Variants in ESYT2 observed in about 807,000 individuals in gnomAD.
ESYT2 encodes extended synaptotagmin-2.
ESYT2 carries 54 observed loss-of-function variants against 107.2 expected under a neutral mutation model. The ratio of observed to expected loss-of-function variants is 0.50; its 90% CI spans 0.40 to 0.63. The LOEUF (loss-of-function observed/expected upper bound fraction) is 0.63, where lower values mean the gene tolerates loss of function less well. Ranked by LOEUF, ESYT2 falls within the 30% of genes least tolerant of loss-of-function variation. The pLI, the probability that ESYT2 is intolerant of heterozygous loss-of-function variation, is 0.00. For synonymous variants in ESYT2, 491 were observed against 434.1 expected, an observed-to-expected ratio of 1.13 and a Z score of -1.63; for missense variants, 1,020 against 1,094.5, an observed-to-expected ratio of 0.93 and a Z score of 0.96.
At chr7:158,826,819 CAAAA>C (rs10685364) in intron 1 of ESYT2, among the ~76,000 whole-genome samples, 87 of 117,038 alleles carry the variant, frequency 7.4e-4, no homozygotes, top group African/African-American at 2.8e-3. Flanking sequence ...GATTCCGTCT[CAAAA>C]AAAAAAAAAA....
chr7:158,779,239 A>G (rs1424341502), intron 6 of ESYT2, among the ~76,000 whole-genome samples: 1 of 152,208 alleles, frequency 6.6e-6, no homozygotes, highest in Non-Finnish European at 1.5e-5. Flanking sequence ...TTATTGGAGT[A>G]AGCTCAAAAA....
chr7:158,791,086 C>T (rs924395560), intron 4 of ESYT2, among the ~76,000 whole-genome samples: 1 of 152,192 alleles, frequency 6.6e-6, no homozygotes, highest in African/African-American at 2.4e-5. Flanking sequence ...ACTCTCCCCC[C>T]ATTAAACACT....
intron 1 of ESYT2, among the ~76,000 whole-genome samples, chr7:158,810,676 T>TG (rs1341151184): frequency 6.8e-6 from 1 of 147,988 alleles, no homozygotes; most frequent in Non-Finnish European, 1.5e-5. Context: ...AGCGAGACCC[T>TG]GTCTTGGGGG....
rs745464310 is a variant in ESYT2 at position 158,748,262 on chromosome 7, C to G, written c.1576G>C (p.Glu526Gln). 9.3e-6 allele frequency: 15 copies of G among 1,613,934 alleles called. No individual in the cohort carries two copies. Among genetic ancestry groups the G allele is most frequent in the Middle Eastern group, 3.3e-4 (2 of 6,084 alleles). The change falls in exon 16 of 23, where the codon GAA becomes CAA. Residue 526 changes from glutamate (E) to glutamine (Q), a missense_variant. Physicochemically the swap from Glu to Gln is conservative, Grantham distance 29 (BLOSUM62 2). Coordinates refer to ENST00000275418, the MANE Select transcript of ESYT2 (RefSeq NM_001367773.1). The part of the protein sequence containing the change: ...QESKIRYKTN[E>Q]PVWEENFTFF... ...GTGAAGTTTTCCTCCCACACAGGTTCATTGGTTTTGTATCGAATCTAGAAG... is the reference window on the plus strand; with the variant it reads ...GTGAAGTTTTCCTCCCACACAGGTTGATTGGTTTTGTATCGAATCTAGAAG...
At chr7:158,798,796 A>G (rs1304812650) in intron 2 of ESYT2, among the ~76,000 whole-genome samples, 1 of 152,198 alleles carries the variant, frequency 6.6e-6, no homozygotes, top group Non-Finnish European at 1.5e-5. Context: ...ACACATGGCC[A>G]GAGACACAAA....
chr7:158,807,145 G>A (rs1839852913), intron 1 of ESYT2, among the ~76,000 whole-genome samples: 4 of 151,490 alleles, frequency 2.6e-5, no homozygotes, highest in Admixed American at 2.6e-4. Flanking sequence ...CACCTACTCA[G>A]GAGGCTGAGG....
chr7:158,817,119 C>G (rs1173992312), intron 1 of ESYT2, among the ~76,000 whole-genome samples: 1 of 152,190 alleles, frequency 6.6e-6, no homozygotes, highest in Admixed American at 6.5e-5. Context: ...CTGAACAGCT[C>G]CTCCTCTCTG....
Position 158,828,948 on chromosome 7 carries a change from G to A in ESYT2, c.330+141C>T, listed in dbSNP as rs1026423456. Reference sequence around the variant, plus strand: ...CCTGCCTGGACCGGGGTGGGTGGGGGACTACGAAGGCGGGAGCCGGGGCAG... The same window carrying A: ...CCTGCCTGGACCGGGGTGGGTGGGGAACTACGAAGGCGGGAGCCGGGGCAG... On this transcript the variant is annotated intron_variant, in intron 1 of 22. Coordinates refer to ENST00000275418, the MANE Select transcript of ESYT2 (RefSeq NM_001367773.1). 4.5e-6 allele frequency: 6 copies of A among 1,322,480 alleles called. No individual in the cohort carries two copies. The South Asian group carries it at 5.0e-5, about 11-fold the overall frequency. The allele number at this position is 1,322,480 out of a possible 1,614,324, so 81.9% of individuals were successfully genotyped here.
chr7:158,810,835 T>C (rs1839974546), intron 1 of ESYT2, among the ~76,000 whole-genome samples: 2 of 151,932 alleles, frequency 1.3e-5, no homozygotes, highest in Non-Finnish European at 2.9e-5. Context: ...GTCTGAGGAT[T>C]GAGGGCTGAT....
At chr7:158,826,512 T>A (rs1840450021) in intron 1 of ESYT2, among the ~76,000 whole-genome samples, 1 of 152,028 alleles carries the variant, frequency 6.6e-6, no homozygotes, top group South Asian at 2.1e-4. Flanking sequence ...AAATTACTTT[T>A]GTATTTTTTT....
rs1207449135 is a variant in ESYT2 at position 158,752,859 on chromosome 7, A to T, written c.1420-16T>A. 1.4e-5 allele frequency: 18 copies of T among 1,297,796 alleles called. No individual in the cohort carries two copies. Among genetic ancestry groups the T allele is most frequent in the Non-Finnish European group, 1.7e-5 (17 of 983,758 alleles). 80.4% of individuals were successfully genotyped at this position (1,297,796 alleles called of 1,614,324 possible). A position where few individuals can be genotyped will look rare whatever the true frequency, so the allele number is the denominator to read the frequency against. ...ATGGGTTACTCTTTCAAGTCAGAAG[A>T]AAACGAATATGCCAAGGGTTAATAA... On this transcript the variant is annotated splice_polypyrimidine_tract_variant and intron_variant, in intron 13 of 22. Transcript: ENST00000275418.
At chr7:158,745,002 C>G (rs1225852540) in intron 16 of ESYT2, among the ~76,000 whole-genome samples, 3 of 152,126 alleles carry the variant, frequency 2.0e-5, no homozygotes, top group African/African-American at 7.2e-5. Context: ...GAAGGAAAAA[C>G]CAGCTAGACA....
chr7:158,773,453 A>G (rs1208023381), intron 6 of ESYT2, 57 bp from the exon 7 acceptor site: 22 of 1,542,414 alleles, frequency 1.4e-5, no homozygotes, highest in Non-Finnish European at 1.8e-5. Context: ...TTATTGAATC[A>G]GGTGCACACA....
At chr7:158,767,129 A>C (rs1358284579) in intron 8 of ESYT2, among the ~76,000 whole-genome samples, 1 of 152,236 alleles carries the variant, frequency 6.6e-6, no homozygotes, top group Non-Finnish European at 1.5e-5. Flanking sequence ...AGCTGCGACA[A>C]AAATCTAGTT....
At chr7:158,819,498 T>G (rs182486120) in intron 1 of ESYT2, among the ~76,000 whole-genome samples, 6 of 152,336 alleles carry the variant, frequency 3.9e-5, no homozygotes, top group Admixed American at 3.9e-4. Context: ...ATAGTCAAAG[T>G]CATATTTCTG....
intron 1 of ESYT2, among the ~76,000 whole-genome samples, chr7:158,807,816 T>C (rs1839876338): frequency 6.6e-6 from 1 of 152,210 alleles, no homozygotes; most frequent in African/African-American, 2.4e-5. Flanking sequence ...CATAACATTT[T>C]CACCTCCTAC....
At chr7:158,821,368 T>C (rs1702336591) in intron 1 of ESYT2, among the ~76,000 whole-genome samples, 1 of 152,220 alleles carries the variant, frequency 6.6e-6, no homozygotes, top group Non-Finnish European at 1.5e-5. Context: ...TCCCGGCTAT[T>C]ACAGTAGTAC....
chr7:158,829,401 G>C lies in ESYT2; in HGVS notation c.18C>G (p.Gly6=). 8.3e-7 allele frequency: 1 copy of C among 1,202,880 alleles called. No homozygotes were observed. The highest frequency in any genetic ancestry group is 1.0e-6 in the Non-Finnish European group (1 of 975,100). 74.5% of individuals were successfully genotyped at this position (1,202,880 alleles called of 1,614,324 possible). ...CGCCGGCGCCCGCCTCCGGGCCCTC[G>C]CCCCGGGCGCCGCTCATCGCCCCGC... MSGAR[G]EGPEAGAGGA... The change falls in exon 1 of 23, where the codon GGC becomes GGG. Residue 6 remains glycine (G), a synonymous_variant. Transcript: ENST00000275418.
chr7:158,743,303 G>A lies in ESYT2; in HGVS notation c.1794+226C>T, dbSNP rs1837276609. On this transcript the variant is annotated intron_variant, in intron 17 of 22. Transcript: ENST00000275418. ...AGCCGTGGGCCTGCTCGGGCAACCT[G>A]GAAACGTGGCCTGTTCTATGGCTGA... Among the ~76,000 whole-genome samples the A allele has an allele frequency of 2.0e-5, 3 of 152,324 alleles. No individual in the cohort carries two copies. In the South Asian group the frequency reaches 6.2e-4, roughly 32 times the overall value.
Sources: gnomAD v4.1 joint callset for allele counts (sites outside exome capture counted in the v4.1 genomes callset) on GRCh38, gnomAD v4.1.1 for gene constraint, MANE v1.5 for transcripts, NCBI Gene and HGNC (gene_info 2026-07-23, HGNC 2026-07-21) for gene names.